Variants in C2orf81 observed in about 807,000 individuals in gnomAD.
C2orf81 encodes uncharacterized protein C2orf81.
A neutral mutation model predicts 7.9 loss-of-function variants in C2orf81; 5 were observed. The observed-to-expected ratio is 0.63, with a 90% confidence interval of 0.33 to 1.33. C2orf81 has a LOEUF of 1.33. C2orf81 is among the 40% of genes most tolerant of loss of function. The pLI is 0.05. For synonymous variants in C2orf81, 346 were observed against 367.4 expected (o/e 0.94, Z 0.66); for missense variants, 781 against 830.4 (o/e 0.94, Z 0.73).
intron 1 of C2orf81, chr2:74,416,494 G>A: frequency 3.2e-6 from 1 of 308,258 alleles, no homozygotes; most frequent in African/African-American, 2.3e-5. Context: ...TTGAACCCGG[G>A]AGATGGAGGT....
In C2orf81 at chr2:74,416,209, C is replaced by T; in HGVS notation, c.51G>A (p.Val17=). 7.1e-7 allele frequency: 1 copy of T among 1,415,426 alleles called. No homozygotes were observed. Among genetic ancestry groups the T allele is most frequent in the Non-Finnish European group, 9.4e-7 (1 of 1,064,030 alleles). The allele number at this position is 1,415,426 out of a possible 1,614,324, so 87.7% of individuals were successfully genotyped here. A position where few individuals can be genotyped will look rare whatever the true frequency, so the allele number is the denominator to read the frequency against. The part of the protein sequence containing the change: ...RQERQVRDRG[V]TRSKAEKVRP... ...GCACTTTTTCCGCCTTGGACCGGGTCACCCCGCGGTCTCGGACCTGCCTCT... is the reference window on the plus strand; with the variant it reads ...GCACTTTTTCCGCCTTGGACCGGGTTACCCCGCGGTCTCGGACCTGCCTCT... The change falls in exon 2 of 3, where the codon GTG becomes GTA. Residue 17 remains valine, a synonymous_variant. Coordinates refer to ENST00000684111, the MANE Select transcript of C2orf81 (RefSeq NM_001316764.3).
rs1676378460 is a variant in C2orf81 at position 74,414,421 on chromosome 2, A to G, written c.1756T>C (p.Ser586Pro). Residue 586 changes from serine to proline, a missense_variant, in exon 3 of 3, where the codon TCT becomes CCT. Physicochemically the swap from Ser to Pro is moderately conservative, Grantham distance 74. Coordinates refer to ENST00000684111, the MANE Select transcript of C2orf81 (RefSeq NM_001316764.3). The surrounding 1 kb of genome is among the most constrained non-coding windows in gnomAD (Gnocchi z 5.3). ...TTGTCCTCTTGTTCAGGCACACCAGAGCTGAGCAACACCTGGGTGCTCCGG... is the reference window on the plus strand; with the variant it reads ...TTGTCCTCTTGTTCAGGCACACCAGGGCTGAGCAACACCTGGGTGCTCCGG... ...WNRSTQVLLS[S>P]GVPEQEDKEG... The G allele has an allele frequency of 3.2e-6, 5 of 1,550,354 alleles. No homozygotes were observed. The highest frequency in any genetic ancestry group is 4.4e-6 in the Non-Finnish European group (5 of 1,146,182).
At position 74,414,284 on chromosome 2, in the gene C2orf81, G is replaced by A. The variant is rs943846535; in HGVS notation, c.*45C>T. On this transcript the variant is annotated 3_prime_UTR_variant, in exon 3 of 3. Coordinates refer to ENST00000684111, the MANE Select transcript of C2orf81 (RefSeq NM_001316764.3). This position sits in a 1 kb window ranked among gnomAD's most constrained non-coding sequence, Gnocchi z 5.3. Reference sequence around the variant, plus strand: ...AGGGAGGCAGCAGGCTTAGAGGAGCGTGACCACACTTTGGGGGCTGAGTTC... The same window carrying A: ...AGGGAGGCAGCAGGCTTAGAGGAGCATGACCACACTTTGGGGGCTGAGTTC... 1.6e-5 allele frequency: 23 copies of A among 1,432,074 alleles called. No homozygotes were observed. Among genetic ancestry groups the A allele is most frequent in the Admixed American group, 1.1e-4 (4 of 36,474 alleles). The allele number at this position is 1,432,074 out of a possible 1,614,324, so 88.7% of individuals were successfully genotyped here.
At chr2:74,419,878 T>C (rs1333886927) in intron 1 of C2orf81, among the ~76,000 whole-genome samples, 1 of 152,180 alleles carries the variant, frequency 6.6e-6, no homozygotes, top group Non-Finnish European at 1.5e-5. Flanking sequence ...TTCAAGCAAT[T>C]CTCCTGCCTC....
rs540561510 is a variant in C2orf81, at chr2:74,414,479, G to A, written c.1698C>T (p.Ala566=). 41 of 1,550,988 alleles carry A rather than the reference G, an allele frequency of 2.6e-5. No homozygotes were observed. The East Asian group carries it at 9.5e-4, about 36-fold the overall frequency. Residue 566 remains alanine, a synonymous_variant, in exon 3 of 3, where the codon GCC becomes GCT. Coordinates refer to ENST00000684111, the MANE Select transcript of C2orf81 (RefSeq NM_001316764.3). The surrounding 1 kb of genome is among the most constrained non-coding windows in gnomAD (Gnocchi z 5.3). ...VMWKPVLLPE[A]LKLAPGVSMW... ...TGCTCACACCAGGGGCCAGCTTCAG[G>A]GCTTCTGGCAGCAACACGGGCTTCC...
intron 1 of C2orf81, among the ~76,000 whole-genome samples, chr2:74,419,533 C>G (rs1233641790): frequency 6.6e-6 from 1 of 152,156 alleles, no homozygotes. Flanking sequence ...CATGCTGCAA[C>G]AGTATGCATG....
At chr2:74,417,011 AC>A (rs1173746403) in intron 1 of C2orf81, among the ~76,000 whole-genome samples, 2 of 152,036 alleles carry the variant, frequency 1.3e-5, no homozygotes, top group Non-Finnish European at 2.9e-5. Context: ...GTAGTCAGTC[AC>A]CCAGCCTGCC....
chr2:74,418,664 C>T (rs770415078), intron 1 of C2orf81: 3 of 554,540 alleles, frequency 5.4e-6, no homozygotes, highest in Non-Finnish European at 9.7e-6. Context: ...TAGAAGAGCA[C>T]AGCCCCGGCT....
At chr2:74,417,765 A>C in intron 1 of C2orf81, 1 of 505,994 alleles carries the variant, frequency 2.0e-6, no homozygotes, top group South Asian at 1.7e-5. Context: ...GGAGCAGAGA[A>C]GTGGCTCCCA....
In C2orf81 at chr2:74,415,062, G is replaced by A; in HGVS notation, c.1115C>T (p.Ala372Val). 1.3e-6 allele frequency: 2 copies of A among 1,548,044 alleles called. No homozygotes were observed. Among genetic ancestry groups the A allele is most frequent in the Non-Finnish European group, 1.7e-6 (2 of 1,145,644 alleles). Residue 372 changes from alanine (A) to valine (V), a missense_variant, in exon 3 of 3, where the codon GCC becomes GTC. Transcript: ENST00000684111. This position sits in a 1 kb window ranked among gnomAD's most constrained non-coding sequence, Gnocchi z 5.5. Reference sequence around the variant, plus strand: ...CCTCGCAGGGTCCAGGCGTTTCACGGCCGCCTTGCGGCGCATCCTGTGGTG... The same window carrying A: ...CCTCGCAGGGTCCAGGCGTTTCACGACCGCCTTGCGGCGCATCCTGTGGTG... ...AHHHRMRRKA[A>V]VKRLDPARLP...
Position 74,415,785 on chromosome 2 carries a change from G to C in C2orf81, c.392C>G (p.Thr131Arg). The C allele has an allele frequency of 2.6e-6, 4 of 1,551,636 alleles. No homozygotes were observed. The highest frequency in any genetic ancestry group is 3.5e-6 in the Non-Finnish European group (4 of 1,147,012). The part of the protein sequence containing the change: ...GEDEEPSACT[T>R]DSWAQGSVPV... ...CACTGAACCCTGAGCCCAGGAGTCC[G>C]TCGTGCATGCCGAAGGCTCCTCGTC... is the stretch of plus-strand genomic sequence containing the variant. Residue 131 changes from threonine to arginine, a missense_variant, in exon 3 of 3, where the codon ACG (threonine) becomes AGG (arginine). Coordinates refer to ENST00000684111, the MANE Select transcript of C2orf81 (RefSeq NM_001316764.3). The surrounding 1 kb of genome is among the most constrained non-coding windows in gnomAD (Gnocchi z 5.5).
Position 74,414,826 on chromosome 2 carries a change from CG to C in C2orf81, c.1350del (p.Ala451HisfsTer7). 6.4e-7 allele frequency: 1 copy of C among 1,551,392 alleles called. No homozygotes were observed. Among genetic ancestry groups the C allele is most frequent in the Non-Finnish European group, 8.7e-7 (1 of 1,146,760 alleles). On this transcript the variant is annotated frameshift_variant, in exon 3 of 3. Coordinates refer to ENST00000684111, the MANE Select transcript of C2orf81 (RefSeq NM_001316764.3). LOFTEE classifies it low-confidence loss of function (END_TRUNC). This position sits in a 1 kb window ranked among gnomAD's most constrained non-coding sequence, Gnocchi z 5.3. ...GIPFRDLDSGPALLFPTLNLG... is the reference protein window; with the variant it reads ...GIPFRDLDSGXALLFPTLNLG... ...AAATTTAAAGTGGGGAACAGGAGTG[CG>C]GGGCCCGAGTCCAAGTCACGGAAAG...
intron 1 of C2orf81, chr2:74,416,488 A>C (rs1304278912): frequency 3.3e-6 from 1 of 304,128 alleles, no homozygotes; most frequent in Non-Finnish European, 6.3e-6. Flanking sequence ...AGTCACTTGA[A>C]CCCGGGAGAT....
rs1676465954 is a variant in C2orf81, at chr2:74,416,257, A to G, written c.19-16T>C. On this transcript the variant is annotated splice_polypyrimidine_tract_variant and intron_variant, in intron 1 of 2. Transcript: ENST00000684111. The stretch of plus-strand genomic sequence containing the variant: ...TCTCCTGCCTCTGTGAGAACAAAAC[A>G]TGGCAATCAGAGCAGGAAACCAAGA... The G allele has an allele frequency of 1.5e-6, 2 of 1,330,660 alleles. No individual in the cohort carries two copies. The highest frequency in any genetic ancestry group is 2.0e-6 in the Non-Finnish European group (2 of 1,012,582). The allele number at this position is 1,330,660 out of a possible 1,614,324, so 82.4% of individuals were successfully genotyped here.
rs1676619045 is a variant in C2orf81 at position 74,421,599 on chromosome 2, A to G, written c.-39T>C. On this transcript the variant is annotated 5_prime_UTR_variant, in exon 1 of 3. An upstream start codon of the reference 5' UTR is lost. Transcript: ENST00000684111. ...GCAGCAACGCTGGTGTTTCTGCTGC[A>G]TCCGGGCCGCGTAAGCCACCTAACA... 2.3e-6 allele frequency: 1 copy of G among 429,198 alleles called. No homozygotes were observed. 26.6% of individuals were successfully genotyped at this position (429,198 alleles called of 1,614,324 possible). A position where few individuals can be genotyped will look rare whatever the true frequency, so the allele number is the denominator to read the frequency against.
At chr2:74,417,502 T>G in intron 1 of C2orf81, 1 of 1,236,366 alleles carries the variant, frequency 8.1e-7, no homozygotes, top group Non-Finnish European at 1.1e-6. Context: ...CCCGCTTTCC[T>G]GTAGCCAATG....
At chr2:74,418,107 A>T in intron 1 of C2orf81, 4 of 708,258 alleles carry the variant, frequency 5.6e-6, no homozygotes, top group Non-Finnish European at 1.0e-5. Context: ...AAAGCTGTCC[A>T]GTCCCAGAAG....
In C2orf81 at chr2:74,414,547, G is replaced by A. The variant is rs371872476; in HGVS notation, c.1630C>T (p.Arg544Ter). 3.5e-5 allele frequency: 54 copies of A among 1,541,178 alleles called. No homozygotes were observed. The highest frequency in any genetic ancestry group is 4.6e-5 in the Non-Finnish European group (52 of 1,140,022). ...REGQDPGRWP[R>*]TTPPVLEATS... is the part of the protein sequence containing the mutation. ...GCTTCAAGGACCGGGGGTGTGGTTC[G>A]AGGCCATCTGCCAGGATCCTGGCCC... Residue 544 changes from arginine to a stop codon, truncating the protein, a stop_gained, in exon 3 of 3, where the codon CGA becomes TGA. Transcript: ENST00000684111. LOFTEE classifies it low-confidence loss of function (END_TRUNC). This position sits in a 1 kb window ranked among gnomAD's most constrained non-coding sequence, Gnocchi z 5.3.
In C2orf81 at chr2:74,415,436, A is replaced by C; in HGVS notation, c.741T>G (p.Ser247=). The stretch of plus-strand genomic sequence containing the variant: ...AGGACCCGGCCGAGGAGAGGCCTCT[A>C]GACTGGCCGTCCGCTTCCTCTACAG... The part of the protein sequence containing the change: ...GGPVEEADGQ[S]RGLSSAGSLS... Residue 247 remains serine (S), a synonymous_variant, in exon 3 of 3, where the codon TCT becomes TCG. Transcript: ENST00000684111. The surrounding 1 kb of genome is among the most constrained non-coding windows in gnomAD (Gnocchi z 5.5). 1 of 1,534,952 alleles carries C rather than the reference A, an allele frequency of 6.5e-7. No individual in the cohort carries two copies. The highest frequency in any genetic ancestry group is 8.8e-7 in the Non-Finnish European group (1 of 1,135,452).
Sources: allele counts gnomAD v4.1 joint callset (sites outside exome capture counted in the v4.1 genomes callset), GRCh38; gene constraint gnomAD v4.1.1; non-coding constraint Gnocchi (gnomAD v3.1); transcripts MANE v1.5; gene names NCBI Gene and HGNC (gene_info 2026-07-23, HGNC 2026-07-21).